CCDC3: variants seen among roughly 807,000 people sequenced by gnomAD.
CCDC3 encodes the protein coiled-coil domain containing 3.
A neutral mutation model predicts 21.4 loss-of-function variants in CCDC3; 24 were observed. The observed-to-expected ratio is 1.12, with a 90% confidence interval of 0.81 to 1.58. CCDC3 has a LOEUF of 1.58. Among genes scored for constraint, CCDC3 ranks in the 40% most tolerant of loss-of-function variants. The pLI is 0.00. For missense variants in CCDC3, 425 were observed against 360.9 expected (o/e 1.18, Z -1.44); for synonymous variants, 186 against 166.0 (o/e 1.12, Z -0.93).
intron 3 of CCDC3, among the ~76,000 whole-genome samples, chr10:13,091,250 C>T (rs769327101): frequency 6.6e-6 from 1 of 152,170 alleles, no homozygotes; most frequent in Non-Finnish European, 1.5e-5. Flanking sequence ...CAATATTTTG[C>T]ATCCTTCAAT....
chr10:12,957,705 A>G (rs1196574790), intron 2 of CCDC3, among the ~76,000 whole-genome samples: 1 of 152,182 alleles, frequency 6.6e-6, no homozygotes, highest in Non-Finnish European at 1.5e-5. Context: ...TGTTCTGGCC[A>G]TACGATGAGC....
chr10:12,907,399 C>T (rs1439650474), intron 2 of CCDC3, among the ~76,000 whole-genome samples: 1 of 152,172 alleles, frequency 6.6e-6, no homozygotes, highest in Non-Finnish European at 1.5e-5. Flanking sequence ...AATCCCAGCA[C>T]TTTGGGAGGC....
chr10:13,044,887 G>T (rs767423407), intron 5 of CCDC3, among the ~76,000 whole-genome samples: 3 of 152,074 alleles, frequency 2.0e-5, no homozygotes, highest in Non-Finnish European at 2.9e-5. Flanking sequence ...GGGCAGTATG[G>T]CCATTTAACA....
At chr10:13,033,755 T>C (rs1388926983) in intron 5 of CCDC3, among the ~76,000 whole-genome samples, 2 of 152,242 alleles carry the variant, frequency 1.3e-5, no homozygotes, top group African/African-American at 2.4e-5. Context: ...TCGTCATCAC[T>C]GGCCATCAGA....
chr10:12,961,086 G>C (rs1589022625), intron 2 of CCDC3, among the ~76,000 whole-genome samples: 1 of 152,222 alleles, frequency 6.6e-6, no homozygotes, highest in East Asian at 1.9e-4. Flanking sequence ...GGTGTCGTCA[G>C]GGAGCACCAC....
intron 2 of CCDC3, among the ~76,000 whole-genome samples, chr10:12,928,068 G>T (rs1158937477): frequency 6.6e-6 from 1 of 152,178 alleles, no homozygotes; most frequent in Non-Finnish European, 1.5e-5. Context: ...CACACCCAGG[G>T]CCTCAGCGTG....
chr10:13,075,923 C>T lies in CCDC3; in HGVS notation c.-502-1823G>A, dbSNP rs191597401. On this transcript the variant is annotated intron_variant, in intron 3 of 6. Transcript: ENST00000378839. Reference sequence around the variant, plus strand: ...ATAAAATAAAATAAAAATAGCCAGGCATCATGGCATGTGCCTGTAATCCCA... The same window carrying T: ...ATAAAATAAAATAAAAATAGCCAGGTATCATGGCATGTGCCTGTAATCCCA... Among the ~76,000 whole-genome samples, 53 of 152,238 alleles carry T rather than the reference C, an allele frequency of 3.5e-4. 1 individual carries two copies. The highest frequency in any genetic ancestry group is 1.3e-3 in the African/African-American group (52 of 41,542).
chr10:12,980,241 C>A lies in CCDC3; in HGVS notation c.549+18097G>T, dbSNP rs115187801. Reference sequence around the variant, plus strand: ...TTAGACCCCTGGGGGAAGCATGGCTCTGCCAGGTGTCACAGCTGATTTAAC... The same window carrying A: ...TTAGACCCCTGGGGGAAGCATGGCTATGCCAGGTGTCACAGCTGATTTAAC... On this transcript the variant is annotated intron_variant, in intron 2 of 2. Transcript: ENST00000378825. 3.2e-3 allele frequency among the ~76,000 whole-genome samples: 487 copies of A among 152,320 alleles called. 1 individual carries two copies. The highest frequency in any genetic ancestry group is 0.011 in the African/African-American group (457 of 41,566).
At chr10:13,021,386 T>A (rs558555364) in intron 5 of CCDC3, among the ~76,000 whole-genome samples, 6 of 152,208 alleles carry the variant, frequency 3.9e-5, no homozygotes, top group African/African-American at 1.4e-4. Flanking sequence ...ACTCTCTCCT[T>A]GTTTTAGTAT....
At chr10:12,955,555 A>AT (rs200897542) in intron 2 of CCDC3, among the ~76,000 whole-genome samples, 8 of 151,154 alleles carry the variant, frequency 5.3e-5, no homozygotes, top group East Asian at 1.9e-4. Context: ...GTAACTTCAT[A>AT]TTTTTTTTTC....
intron 2 of CCDC3, among the ~76,000 whole-genome samples, chr10:12,909,801 C>T (rs1243034261): frequency 6.6e-6 from 1 of 152,210 alleles, no homozygotes; most frequent in Non-Finnish European, 1.5e-5. Context: ...CCACCTGACC[C>T]ATCTCTAATC....
chr10:13,035,050 A>G (rs1346485469), intron 5 of CCDC3, among the ~76,000 whole-genome samples: 1 of 151,608 alleles, frequency 6.6e-6, no homozygotes, highest in Non-Finnish European at 1.5e-5. Flanking sequence ...AAAAAATTAA[A>G]AAAAAAAGAG....
chr10:13,001,039 A>C (rs1835841154), intron 1 of CCDC3, among the ~76,000 whole-genome samples, 158 bp downstream of exon 1: 1 of 152,202 alleles, frequency 6.6e-6, no homozygotes, highest in Non-Finnish European at 1.5e-5. Context: ...CAGACGGAGC[A>C]AGAAAGATCC....
intron 5 of CCDC3, among the ~76,000 whole-genome samples, chr10:13,024,472 T>C (rs573413335): frequency 6.6e-6 from 1 of 152,312 alleles, no homozygotes; most frequent in South Asian, 2.1e-4. Context: ...TAAATATGTC[T>C]AATGTGTTAA....
At chr10:13,035,348 CACATTAG>C (rs933992876) in intron 5 of CCDC3, among the ~76,000 whole-genome samples, 1 of 152,022 alleles carries the variant, frequency 6.6e-6, no homozygotes, top group Non-Finnish European at 1.5e-5. Flanking sequence ...TCAGCAGTTA[CACATTAG>C]ACATTAGAGA....
At chr10:13,053,563 A>C (rs1265656240) in intron 4 of CCDC3, among the ~76,000 whole-genome samples, 1 of 152,192 alleles carries the variant, frequency 6.6e-6, no homozygotes, top group Non-Finnish European at 1.5e-5. Flanking sequence ...CTCTAAAATA[A>C]TAAAATAAAA....
At position 13,048,406 on chromosome 10, in the gene CCDC3, A is replaced by G. The variant is rs184300412; in HGVS notation, c.-2+1268T>C. On this transcript the variant is annotated intron_variant, in intron 5 of 6. Coordinates refer to the CCDC3 transcript ENST00000378839. ...ACGGGGTTTCACCATGTTGGCCAGG[A>G]CAGTCTTGATTTCCTGACCTTGTGA... Among the ~76,000 whole-genome samples the G allele has an allele frequency of 2.6e-5, 4 of 152,134 alleles. No individual in the cohort carries two copies. In the East Asian group the frequency reaches 7.7e-4, roughly 29 times the overall value.
At chr10:12,971,604 C>T (rs1044570864) in intron 2 of CCDC3, among the ~76,000 whole-genome samples, 3 of 152,188 alleles carry the variant, frequency 2.0e-5, no homozygotes, top group South Asian at 2.1e-4. Context: ...CTCTCCCGCC[C>T]GTGTTGTAAC....
At chr10:13,076,769 C>A (rs1836970020) in intron 3 of CCDC3, among the ~76,000 whole-genome samples, 1 of 152,234 alleles carries the variant, frequency 6.6e-6, no homozygotes, top group Non-Finnish European at 1.5e-5. Flanking sequence ...TAGTAAGCAA[C>A]TTCCTCCTTT....
Sources: allele counts gnomAD v4.1 joint callset (sites outside exome capture counted in the v4.1 genomes callset), GRCh38; gene constraint gnomAD v4.1.1; transcripts MANE v1.5; gene names NCBI Gene and HGNC (gene_info 2026-07-23, HGNC 2026-07-21).